Variants in KIAA0930 observed in about 807,000 individuals in gnomAD.
KIAA0930 encodes the protein uncharacterized protein KIAA0930.
KIAA0930 carries 24 observed loss-of-function variants against 43.9 expected under a neutral mutation model. The observed-to-expected ratio is 0.55, with a 90% CI of 0.40 to 0.77. The LOEUF (loss-of-function observed/expected upper bound fraction) is 0.77. Among genes scored for constraint, KIAA0930 ranks in the 30% least tolerant of loss-of-function variants. The pLI is 0.00. For missense variants in KIAA0930, 461 were observed against 574.2 expected (o/e 0.80, Z 2.02); for synonymous variants, 259 against 216.4 (o/e 1.20, Z -1.73).
At chr22:45,222,633 A>G (rs2083774134) in intron 1 of KIAA0930, among the ~76,000 whole-genome samples, 1 of 151,734 alleles carries the variant, frequency 6.6e-6, no homozygotes, top group South Asian at 2.1e-4. Context: ...TCTATAGGGG[A>G]AAAAAAACCA....
chr22:45,199,954 G>A lies in KIAA0930; in HGVS notation c.934C>T (p.Pro312Ser). Reference protein sequence around the residue: ...FFSPSLKRKVPRNRIAEMKKS... With the variant: ...FFSPSLKRKVSRNRIAEMKKS... ...TTCATCTCAGCGATCCGGTTCCGGG[G>A]CACCTTCCTCTTGAGGGATGGGGAG... Residue 312 changes from proline (P) to serine (S), a missense_variant, in exon 8 of 10, where the codon CCC becomes TCC. Transcript: ENST00000336156. 1 of 1,609,934 alleles carries A rather than the reference G, an allele frequency of 6.2e-7. No individual in the cohort carries two copies. Among genetic ancestry groups the A allele is most frequent in the Non-Finnish European group, 8.5e-7 (1 of 1,177,594 alleles).
chr22:45,240,492 G>A (rs927383936), intron 1 of KIAA0930, 148 bp downstream of exon 1: 2 of 526,844 alleles, frequency 3.8e-6, no homozygotes, highest in Admixed American at 3.4e-5. Context: ...GGGCCATGGA[G>A]GAAGACAGGG....
rs1048938437 is a variant in KIAA0930, at chr22:45,197,441, T to C, written c.1175-225A>G. ...ACCCTGCAGGGCCTCAGGTGCAAGC[T>C]GGTGTGGGGGCCAGAGCCACTGCCT... On this transcript the variant is annotated intron_variant, in intron 9 of 9. Transcript: ENST00000336156. Among the ~76,000 whole-genome samples the C allele has an allele frequency of 1.1e-4, 17 of 152,112 alleles. 1 individual carries two copies.
At chr22:45,220,810 G>A (rs1444170558) in intron 1 of KIAA0930, among the ~76,000 whole-genome samples, 4 of 152,118 alleles carry the variant, frequency 2.6e-5, no homozygotes, top group Admixed American at 6.5e-5. Flanking sequence ...TGAACTCCTG[G>A]GCTCAAGCGA....
chr22:45,218,345 T>G (rs1006166574), intron 1 of KIAA0930, among the ~76,000 whole-genome samples: 1 of 139,396 alleles, frequency 7.2e-6, no homozygotes, highest in East Asian at 2.1e-4. Flanking sequence ...TTTTTTTTTT[T>G]TTTTTTTTTT....
At chr22:45,214,467 G>A (rs975575312) in intron 1 of KIAA0930, among the ~76,000 whole-genome samples, 18 of 152,174 alleles carry the variant, frequency 1.2e-4, no homozygotes, top group Non-Finnish European at 1.2e-4. Flanking sequence ...GAAGTCAGGC[G>A]CAAAAAGCTA....
intron 1 of KIAA0930, chr22:45,226,495 A>C: frequency 2.9e-6 from 1 of 347,124 alleles, no homozygotes; most frequent in South Asian, 2.2e-5. Flanking sequence ...CTAAGCAACA[A>C]TTCCCACAAA....
chr22:45,220,408 C>T (rs139922720), intron 1 of KIAA0930, among the ~76,000 whole-genome samples: 270 of 151,712 alleles, frequency 1.8e-3, no homozygotes, highest in Admixed American at 3.3e-3. Flanking sequence ...TGATCGAGAT[C>T]GGGCCACTCC....
In KIAA0930 at chr22:45,205,911, G is replaced by A. The variant is rs898451044; in HGVS notation, c.218C>T (p.Ala73Val). The change falls in exon 3 of 10, where the codon GCA (alanine) becomes GTA (valine). Residue 73 changes from alanine to valine, a missense_variant and splice_region_variant. Transcript: ENST00000336156. ...GSESGADGRK[A>V]AEPEVEVEVY... ...CTCCACCTCCACCTCAGGCTCAGCT[G>A]CCTGCGAGGCCCAGAGCAGAAGTGA... The A allele has an allele frequency of 2.5e-6, 4 of 1,612,724 alleles. No individual in the cohort carries two copies. The African/African-American group carries it at 4.0e-5, about 16-fold the overall frequency.
At chr22:45,208,939 C>A (rs742017) in intron 2 of KIAA0930, among the ~76,000 whole-genome samples, 37,775 of 152,196 alleles carry the variant, frequency 0.25, 5,079 homozygotes, top group Non-Finnish European at 0.3. Context: ...GCAGAGCCAG[C>A]AGCACACAGA....
At chr22:45,239,753 C>T (rs1413399420) in intron 1 of KIAA0930, among the ~76,000 whole-genome samples, 1 of 152,156 alleles carries the variant, frequency 6.6e-6, no homozygotes, top group Non-Finnish European at 1.5e-5. Context: ...CTCAGAAATC[C>T]CCAGCCTAGC....
At chr22:45,237,923 CCT>C (rs893352947) in intron 1 of KIAA0930, among the ~76,000 whole-genome samples, 1 of 136,536 alleles carries the variant, frequency 7.3e-6, no homozygotes. Context: ...AAAAATGAGC[CCT>C]TTTTTTTTTT....
chr22:45,211,831 A>G, intron 2 of KIAA0930, 125 bp downstream of exon 2: 1 of 991,292 alleles, frequency 1.0e-6, no homozygotes. Context: ...TAGGTGCTCA[A>G]TAAATATCAC....
chr22:45,212,015 A>T lies in KIAA0930; in HGVS notation c.157T>A (p.Phe53Ile), dbSNP rs1402702839. ...TACGCCAGCTTCCGGCGCACATAGA[A>T]AAGCATGTCGTCCTGCCGGGGAGCC... ...KWAPRQDDML[F>I]YVRRKLAYSG... Residue 53 changes from phenylalanine to isoleucine, a missense_variant, in exon 2 of 10, where the codon TTC becomes ATC. Transcript: ENST00000336156. The T allele has an allele frequency of 6.2e-7, 1 of 1,613,776 alleles. No individual in the cohort carries two copies. Among genetic ancestry groups the T allele is most frequent in the Non-Finnish European group, 8.5e-7 (1 of 1,180,012 alleles).
Position 45,240,671 on chromosome 22 carries a change from A to G in KIAA0930, c.33T>C (p.Arg11=). The change falls in exon 1 of 10, where the codon CGT becomes CGC. Residue 11 remains arginine, a synonymous_variant. Coordinates refer to ENST00000336156, the MANE Select transcript of KIAA0930 (RefSeq NM_001009880.2). ...CGCAGACCTCGCGGCGCAGGCTAAG[A>G]CGGCCGCGCTCCTCCGCTATGGCAC... The part of the protein sequence containing the change: MLRAIAEERG[R]LSLRREVCGL... 1 of 1,494,044 alleles carries G rather than the reference A, an allele frequency of 6.7e-7. No homozygotes were observed. Among genetic ancestry groups the G allele is most frequent in the Admixed American group, 2.2e-5 (1 of 45,860 alleles). 92.5% of individuals were successfully genotyped at this position (1,494,044 alleles called of 1,614,324 possible).
intron 1 of KIAA0930, among the ~76,000 whole-genome samples, chr22:45,233,996 A>G (rs771315519): frequency 3.3e-5 from 5 of 152,162 alleles, no homozygotes; most frequent in Non-Finnish European, 7.4e-5. Context: ...GGCTTCCCCA[A>G]TCCCACAGAA....
At chr22:45,198,056 A>G in intron 8 of KIAA0930, 108 bp from the exon 9 acceptor site, 2 of 1,111,112 alleles carry the variant, frequency 1.8e-6, no homozygotes, top group African/African-American at 3.1e-5. Context: ...TGAGGCCAGG[A>G]CGCTCCTTAC....
chr22:45,202,964 C>A (rs1321056394), intron 7 of KIAA0930, 26 bp downstream of exon 7: 4 of 1,555,976 alleles, frequency 2.6e-6, no homozygotes, highest in Middle Eastern at 1.7e-4. Context: ...GATGGGAGCC[C>A]CCGCCCCCAG....
intron 1 of KIAA0930, among the ~76,000 whole-genome samples, chr22:45,223,282 T>C (rs973194822): frequency 6.6e-6 from 1 of 152,128 alleles, no homozygotes; most frequent in Non-Finnish European, 1.5e-5. Flanking sequence ...AAGCAAAAAA[T>C]GGAGAGCAGA....
Sources: gnomAD v4.1 joint callset for allele counts (sites outside exome capture counted in the v4.1 genomes callset) on GRCh38, gnomAD v4.1.1 for gene constraint, MANE v1.5 for transcripts, NCBI Gene and HGNC (gene_info 2026-07-23, HGNC 2026-07-21) for gene names.